Variants in GRM8 observed in about 807,000 individuals in gnomAD.
The protein encoded by GRM8 is metabotropic glutamate receptor 8.
Under a neutral mutation model 87.2 loss-of-function variants are expected in GRM8, and 47 were observed. The ratio of observed to expected loss-of-function variants is 0.54; its 90% CI spans 0.43 to 0.69. The LOEUF (loss-of-function observed/expected upper bound fraction) is 0.69, where lower values mean the gene tolerates loss of function less well. Among genes scored for constraint, GRM8 ranks in the 30% least tolerant of loss-of-function variants. The pLI, the probability that GRM8 is intolerant of heterozygous loss-of-function variation, is 0.00. For synonymous variants in GRM8, 396 were observed against 404.5 expected (o/e 0.98, Z 0.25); for missense variants, 1,019 against 1,139.2 (o/e 0.89, Z 1.52).
intron 3 of GRM8, among the ~76,000 whole-genome samples, chr7:126,983,110 C>T (rs1214385655): frequency 6.6e-6 from 1 of 152,120 alleles, no homozygotes; most frequent in Admixed American, 6.5e-5. Context: ...CCCAAAGTGT[C>T]CAGGTGGCAA....
In GRM8 at chr7:127,178,141, T is replaced by C. The variant is rs191747936; in HGVS notation, c.510+64554A>G. ...AGGGAAAATTATTCAAGGAAGTAGA[T>C]AGCTTAAAGAAAAAGCAATCAAAAA... On this transcript the variant is annotated intron_variant, in intron 2 of 10. Coordinates refer to ENST00000339582, the MANE Select transcript of GRM8 (RefSeq NM_000845.3). Among the ~76,000 whole-genome samples the C allele has an allele frequency of 9.7e-3, 1,480 of 152,236 alleles. 10 individuals carry two copies. Among genetic ancestry groups the C allele is most frequent in the Non-Finnish European group, 0.012 (834 of 68,008 alleles).
At chr7:126,642,564 T>G (rs1802518313) in intron 7 of GRM8, among the ~76,000 whole-genome samples, 1 of 151,946 alleles carries the variant, frequency 6.6e-6, no homozygotes, top group Non-Finnish European at 1.5e-5. Context: ...AGTGTGAACC[T>G]GGGAGGCAGA....
intron 2 of GRM8, among the ~76,000 whole-genome samples, chr7:127,162,566 A>T (rs1793183740): frequency 6.6e-6 from 1 of 152,162 alleles, no homozygotes; most frequent in Non-Finnish European, 1.5e-5. Context: ...TTGCTAGACT[A>T]ACCATTCTGG....
chr7:126,680,180 C>A (rs1807394910), intron 7 of GRM8, among the ~76,000 whole-genome samples: 1 of 152,120 alleles, frequency 6.6e-6, no homozygotes, highest in Admixed American at 6.5e-5. Context: ...AAGCTCCCAA[C>A]TGGTAGTTAT....
intron 6 of GRM8, among the ~76,000 whole-genome samples, chr7:126,900,070 T>C (rs1271884254): frequency 1.3e-5 from 2 of 152,074 alleles, no homozygotes; most frequent in Admixed American, 6.6e-5. Context: ...GAATTCTCAG[T>C]CATCACTCCT....
chr7:127,003,393 G>T (rs1219115370), intron 3 of GRM8, among the ~76,000 whole-genome samples: 1 of 151,728 alleles, frequency 6.6e-6, no homozygotes, highest in Non-Finnish European at 1.5e-5. Flanking sequence ...TGGTGCTATA[G>T]ATTAAATTTC....
chr7:127,049,883 A>G (rs962949160), intron 3 of GRM8, among the ~76,000 whole-genome samples: 1 of 152,146 alleles, frequency 6.6e-6, no homozygotes, highest in African/African-American at 2.4e-5. Context: ...TGCTTGATAG[A>G]GGAGAATCCA....
At chr7:126,976,362 G>A (rs569157299) in intron 3 of GRM8, among the ~76,000 whole-genome samples, 4 of 152,274 alleles carry the variant, frequency 2.6e-5, no homozygotes, top group Admixed American at 6.5e-5. Flanking sequence ...TTGGGAGGCC[G>A]AAGGGGGCGG....
At chr7:126,659,292 C>G (rs557798698) in intron 7 of GRM8, among the ~76,000 whole-genome samples, 13 of 152,260 alleles carry the variant, frequency 8.5e-5, no homozygotes, top group African/African-American at 2.9e-4. Context: ...GCAGGGGGAA[C>G]CTACCTGTGG....
At chr7:126,560,349 A>G (rs1022859950) in intron 8 of GRM8, among the ~76,000 whole-genome samples, 1 of 152,220 alleles carries the variant, frequency 6.6e-6, no homozygotes, top group African/African-American at 2.4e-5. Flanking sequence ...AAAAGAATAG[A>G]GAAAATTATA....
At chr7:127,004,276 G>A (rs1814041110) in intron 3 of GRM8, among the ~76,000 whole-genome samples, 1 of 151,560 alleles carries the variant, frequency 6.6e-6, no homozygotes, top group Non-Finnish European at 1.5e-5. Flanking sequence ...AAAGATTGCA[G>A]AAGTAATAAA....
intron 6 of GRM8, 34 bp from the exon 7 acceptor site, chr7:126,770,099 T>C (rs1563170794): frequency 6.9e-7 from 1 of 1,446,386 alleles, no homozygotes; most frequent in Non-Finnish European, 9.6e-7. Flanking sequence ...CATCAGTTGA[T>C]GTTAGATTCC....
intron 3 of GRM8, among the ~76,000 whole-genome samples, chr7:127,059,331 C>CTTTTT (rs10618329): frequency 1.2e-4 from 16 of 130,592 alleles, no homozygotes; most frequent in Non-Finnish European, 1.8e-4. Flanking sequence ...TTTTTTTTTG[C>CTTTTT]TTTTTTTTTT....
intron 3 of GRM8, among the ~76,000 whole-genome samples, chr7:126,935,903 G>A (rs762950473): frequency 1.3e-5 from 2 of 151,970 alleles, no homozygotes; most frequent in African/African-American, 2.4e-5. Flanking sequence ...AAGCAGTTTC[G>A]TCTATAGGTT....
At chr7:126,539,063 A>T (rs916538374) in intron 8 of GRM8, among the ~76,000 whole-genome samples, 1 of 151,994 alleles carries the variant, frequency 6.6e-6, no homozygotes, top group African/African-American at 2.4e-5. Context: ...TATGCTTGAG[A>T]TGATTCCCAA....
chr7:126,553,068 A>C (rs1014722805), intron 8 of GRM8, among the ~76,000 whole-genome samples: 3 of 152,174 alleles, frequency 2.0e-5, no homozygotes, highest in East Asian at 1.9e-4. Context: ...CATCATCAAC[A>C]ACCACCACCA....
At chr7:126,939,501 T>A (rs553934318) in intron 3 of GRM8, among the ~76,000 whole-genome samples, 1 of 152,340 alleles carries the variant, frequency 6.6e-6, no homozygotes, top group South Asian at 2.1e-4. Context: ...AGCACCTGGT[T>A]ACTACTATGC....
At chr7:126,734,095 C>A (rs1004577828) in intron 7 of GRM8, among the ~76,000 whole-genome samples, 4 of 151,874 alleles carry the variant, frequency 2.6e-5, no homozygotes, top group Non-Finnish European at 5.9e-5. Context: ...CAGCAAATAT[C>A]AAATCTCCAT....
chr7:126,462,328 T>G (rs1803977724), intron 9 of GRM8, among the ~76,000 whole-genome samples: 1 of 151,652 alleles, frequency 6.6e-6, no homozygotes, highest in Non-Finnish European at 1.5e-5. Context: ...AAAATTTTAA[T>G]TAAATATTTT....
Sources: allele counts gnomAD v4.1 joint callset (sites outside exome capture counted in the v4.1 genomes callset), GRCh38; gene constraint gnomAD v4.1.1; transcripts MANE v1.5; gene names NCBI Gene and HGNC (gene_info 2026-07-23, HGNC 2026-07-21).